TRERF1: variants seen among roughly 807,000 people sequenced by gnomAD.
TRERF1 encodes transcriptional regulating factor 1, also known as transcriptional-regulating factor 1.
TRERF1 carries 27 observed loss-of-function variants against 122.9 expected under a neutral mutation model. That is an observed-to-expected ratio of 0.22 (90% CI 0.16 to 0.30). The LOEUF (loss-of-function observed/expected upper bound fraction) is 0.30, where lower values mean the gene tolerates loss of function less well. TRERF1 is among the 10% of genes least tolerant of loss of function. The pLI is 1.00. For synonymous variants in TRERF1, 636 were observed against 641.7 expected, an observed-to-expected ratio of 0.99 and a Z score of 0.13; for missense variants, 1,248 against 1,560.3, an observed-to-expected ratio of 0.80 and a Z score of 3.37.
At chr6:42,260,437 C>G (rs1777626477) in intron 8 of TRERF1, among the ~76,000 whole-genome samples, 1 of 152,104 alleles carries the variant, frequency 6.6e-6, no homozygotes, top group Admixed American at 6.5e-5. Flanking sequence ...GGCAGCGGAA[C>G]CAAGCATAGT....
At chr6:42,272,114 A>T (rs1561882465) in intron 4 of TRERF1, among the ~76,000 whole-genome samples, 1 of 152,242 alleles carries the variant, frequency 6.6e-6, no homozygotes, top group African/African-American at 2.4e-5. Context: ...ATCTTCAGCA[A>T]ATGTATCATA....
Position 42,269,571 on chromosome 6 carries a change from T to C in TRERF1, c.20A>G (p.Tyr7Cys). The change falls in exon 5 of 18, where the codon TAC (tyrosine) becomes TGC (cysteine). Residue 7 changes from tyrosine to cysteine, a missense_variant. Tyr to Cys is a radical substitution (Grantham distance 194). This residue lies in a region of TRERF1 where 946 missense variants were observed against 1,073.0 expected (regional missense o/e 0.88). Transcript: ENST00000372922. This position sits in a 1 kb window ranked among gnomAD's most constrained non-coding sequence, Gnocchi z 4.9. ...ACCATGGGCCACATGGTTGGTCTTG[T>C]ACAGTTGCTGGTCACCCATGCTGTC... The C allele has an allele frequency of 6.2e-7, 1 of 1,614,070 alleles. No homozygotes were observed. The highest frequency in any genetic ancestry group is 8.5e-7 in the Non-Finnish European group (1 of 1,179,936).
chr6:42,323,806 A>G (rs1262604214), intron 3 of TRERF1, among the ~76,000 whole-genome samples: 2 of 152,204 alleles, frequency 1.3e-5, no homozygotes, highest in African/African-American at 4.8e-5. Flanking sequence ...GCAGCCAGTG[A>G]GACATGTTTA....
At chr6:42,235,878 C>T (rs116629545) in intron 16 of TRERF1, among the ~76,000 whole-genome samples, 36 of 152,304 alleles carry the variant, frequency 2.4e-4, no homozygotes, top group African/African-American at 8.7e-4. Context: ...TTGTGTGACA[C>T]ACAGCCCAGG....
At chr6:42,419,376 G>A (rs1020955919) in intron 2 of TRERF1, among the ~76,000 whole-genome samples, 4 of 151,540 alleles carry the variant, frequency 2.6e-5, no homozygotes, top group Admixed American at 2.0e-4. Flanking sequence ...ATCATGGCTC[G>A]ATTCTGAAAT....
chr6:42,422,233 C>T (rs1422695681), intron 2 of TRERF1, among the ~76,000 whole-genome samples: 1 of 151,462 alleles, frequency 6.6e-6, no homozygotes, highest in African/African-American at 2.4e-5. Context: ...CAAATCTCTC[C>T]TCCTAGCCGG....
chr6:42,235,307 G>C (rs1363456332), intron 16 of TRERF1, among the ~76,000 whole-genome samples: 1 of 152,112 alleles, frequency 6.6e-6, no homozygotes, highest in Non-Finnish European at 1.5e-5. Flanking sequence ...TTATTTTGAG[G>C]GGTAATCCCT....
At chr6:42,258,441 G>A (rs1777157686) in intron 9 of TRERF1, among the ~76,000 whole-genome samples, 1 of 152,198 alleles carries the variant, frequency 6.6e-6, no homozygotes, top group African/African-American at 2.4e-5. Flanking sequence ...CTGCTAAGCG[G>A]TATGATTTCT....
At chr6:42,338,115 T>C (rs138817706) in intron 3 of TRERF1, among the ~76,000 whole-genome samples, 18 of 152,282 alleles carry the variant, frequency 1.2e-4, no homozygotes, top group East Asian at 7.7e-4. Context: ...CTTACATTTT[T>C]CTGATCAAAG....
Position 42,333,406 on chromosome 6 carries a change from G to A in TRERF1, c.-371+29591C>T, listed in dbSNP as rs79665573. On this transcript the variant is annotated intron_variant, in intron 3 of 17. Coordinates refer to ENST00000372922, the Ensembl canonical transcript of TRERF1. ...TGAGACATGAGTCGGACATCCCAGG[G>A]GATGTTTCCCTTTGTTATCCAAAGG... Among the ~76,000 whole-genome samples the A allele has an allele frequency of 1.3e-3, 203 of 152,260 alleles. 3 individuals are homozygous for A. In the East Asian group the frequency reaches 0.033, roughly 25 times the overall value.
intron 8 of TRERF1, among the ~76,000 whole-genome samples, chr6:42,260,252 G>C (rs984297325): frequency 6.6e-6 from 1 of 151,858 alleles, no homozygotes; most frequent in South Asian, 2.1e-4. Context: ...ACTTTCAGCA[G>C]GGGGGGAGAG....
At chr6:42,235,337 G>T (rs978931242) in intron 16 of TRERF1, among the ~76,000 whole-genome samples, 9 of 152,092 alleles carry the variant, frequency 5.9e-5, no homozygotes, top group African/African-American at 2.2e-4. Context: ...GCCTATACAG[G>T]TGTGCCTGGC....
rs1763158467 is a variant in TRERF1 at position 42,320,127 on chromosome 6, C to G, written c.-370-19378G>C. On this transcript the variant is annotated intron_variant, in intron 3 of 17. Coordinates refer to ENST00000372922, the Ensembl canonical transcript of TRERF1. Reference sequence around the variant, plus strand: ...TGTTGGCCAGGCTGGCCTCGAACTCCTGACCTCAAATGATCCACCTGGCGG... The same window carrying G: ...TGTTGGCCAGGCTGGCCTCGAACTCGTGACCTCAAATGATCCACCTGGCGG... 2.0e-5 allele frequency among the ~76,000 whole-genome samples: 3 copies of G among 152,038 alleles called. No individual in the cohort carries two copies. The South Asian group carries it at 6.2e-4, about 32-fold the overall frequency.
chr6:42,408,210 A>ATATAT (rs1780474103), intron 2 of TRERF1, among the ~76,000 whole-genome samples: 27 of 107,140 alleles, frequency 2.5e-4, no homozygotes, highest in Non-Finnish European at 4.2e-4. Context: ...TATATAAATA[A>ATATAT]ATATATATAT....
At chr6:42,417,701 C>G (rs1038821623) in intron 2 of TRERF1, among the ~76,000 whole-genome samples, 3 of 152,164 alleles carry the variant, frequency 2.0e-5, no homozygotes, top group Non-Finnish European at 4.4e-5. Context: ...ACACATGGGC[C>G]CTGGAGCCCC....
intron 2 of TRERF1, among the ~76,000 whole-genome samples, chr6:42,387,567 A>G (rs1777013849): frequency 6.6e-6 from 1 of 152,250 alleles, no homozygotes; most frequent in Non-Finnish European, 1.5e-5. Context: ...TTTCTAAGCC[A>G]CAAACTCTAT....
At chr6:42,357,629 A>G (rs1770853794) in intron 3 of TRERF1, among the ~76,000 whole-genome samples, 1 of 152,318 alleles carries the variant, frequency 6.6e-6, no homozygotes, top group East Asian at 1.9e-4. Flanking sequence ...CAGGAAGGCA[A>G]CCAACTTGCT....
At chr6:42,414,777 G>T (rs1050477119) in intron 2 of TRERF1, among the ~76,000 whole-genome samples, 1 of 152,090 alleles carries the variant, frequency 6.6e-6, no homozygotes, top group African/African-American at 2.4e-5. Flanking sequence ...TTTTATTGAC[G>T]CACTAAAGGT....
intron 2 of TRERF1, among the ~76,000 whole-genome samples, chr6:42,414,246 T>G (rs1781521725): frequency 6.6e-6 from 1 of 152,182 alleles, no homozygotes; most frequent in South Asian, 2.1e-4. Context: ...GTGTAAACAT[T>G]TTTTAGCCAC....
Sources: gnomAD v4.1 joint callset for allele counts (sites outside exome capture counted in the v4.1 genomes callset) on GRCh38, gnomAD v4.1.1 for gene constraint, gnomAD v4.1.1 regional missense constraint, Gnocchi (gnomAD v3.1) non-coding constraint, MANE v1.5 for transcripts, NCBI Gene and HGNC (gene_info 2026-07-23, HGNC 2026-07-21) for gene names.